BAZ1A: variants seen among roughly 807,000 people sequenced by gnomAD.
BAZ1A encodes the protein bromodomain adjacent to zinc finger domain protein 1A.
Under a neutral mutation model 185.2 loss-of-function variants are expected in BAZ1A, and 50 were observed. The ratio of observed to expected loss-of-function variants is 0.27; its 90% CI spans 0.22 to 0.34. BAZ1A has a LOEUF of 0.34. BAZ1A is among the 10% of genes least tolerant of loss of function. BAZ1A has a pLI of 1.00. For missense variants in BAZ1A, 1,356 were observed against 1,839.9 expected, an observed-to-expected ratio of 0.74 and a Z score of 4.81; for synonymous variants, 571 against 615.6, an observed-to-expected ratio of 0.93 and a Z score of 1.07.
chr14:34,843,971 C>T lies in BAZ1A; in HGVS notation c.393-17815G>A, dbSNP rs199519285. Among the ~76,000 whole-genome samples, 39 of 150,952 alleles carry T rather than the reference C, an allele frequency of 2.6e-4. No individual in the cohort carries two copies. In the East Asian group the frequency reaches 6.5e-3, roughly 25 times the overall value. On this transcript the variant is annotated intron_variant, in intron 3 of 26. Transcript: ENST00000360310. The stretch of plus-strand genomic sequence containing the variant: ...CTGTAATCCCAGCACTTTGGGAGGC[C>T]GAGGCGGGCGGATCACGAGGTCAGG...
chr14:34,868,116 A>C (rs1005277884), intron 2 of BAZ1A, among the ~76,000 whole-genome samples: 4 of 152,226 alleles, frequency 2.6e-5, no homozygotes, highest in African/African-American at 9.6e-5. Flanking sequence ...TCCTACTGGC[A>C]CAGAGACCAA....
chr14:34,844,773 A>ACG (rs1255387074), intron 3 of BAZ1A, among the ~76,000 whole-genome samples: 264 of 37,336 alleles, frequency 7.1e-3, no homozygotes, highest in Admixed American at 0.017. Flanking sequence ...ACACACACAC[A>ACG]CGCGCACACA....
In BAZ1A at chr14:34,807,536, C is replaced by T. The variant is rs1314816599; in HGVS notation, c.641G>A (p.Arg214Gln). The T allele has an allele frequency of 5.0e-6, 8 of 1,609,930 alleles. No homozygotes were observed. Among genetic ancestry groups the T allele is most frequent in the Non-Finnish European group, 6.8e-6 (8 of 1,177,324 alleles). ...SAIVKATQIS[R>Q]RKHLFSRDKL... ...ATCACGAGAAAATAGGTGTTTTCTC[C>T]GGCTACAGGAGGCAAGGAAGTCAAA... The change falls in exon 6 of 27, where the codon CGG (arginine) becomes CAG (glutamine). Residue 214 changes from arginine to glutamine, a missense_variant and splice_region_variant. By Grantham distance (43) the Arg-to-Gln change is conservative. Transcript: ENST00000360310.
chr14:34,765,824 C>T (rs1392790814), intron 21 of BAZ1A, among the ~76,000 whole-genome samples: 1 of 152,082 alleles, frequency 6.6e-6, no homozygotes, highest in African/African-American at 2.4e-5. Context: ...ATCTTCTGGG[C>T]TAAAAAATTT....
Position 34,776,182 on chromosome 14 carries a change from G to T in BAZ1A, c.2570C>A (p.Thr857Asn), listed in dbSNP as rs958159868. 1 of 1,614,070 alleles carries T rather than the reference G, an allele frequency of 6.2e-7. No homozygotes were observed. The highest frequency in any genetic ancestry group is 1.1e-5 in the South Asian group (1 of 91,086). Residue 857 changes from threonine (T) to asparagine (N), a missense_variant, in exon 18 of 27, where the codon ACT becomes AAT. By Grantham distance (65) the Thr-to-Asn change is moderately conservative. Transcript: ENST00000360310. ...NVQSQDPQVS[T>N]KTGEPLMSES... ...AGACATCAAAGGCTCTCCAGTTTTA[G>T]TGGATACCTGAGGATCTTGAGACTG...
chr14:34,773,989 C>CA (rs1350595455), intron 19 of BAZ1A, among the ~76,000 whole-genome samples: 1 of 152,054 alleles, frequency 6.6e-6, no homozygotes, highest in Non-Finnish European at 1.5e-5. Context: ...AAAAAAGTGA[C>CA]AGATGATGGC....
chr14:34,810,900 C>G, intron 5 of BAZ1A, 35 bp downstream of exon 5: 9 of 1,440,524 alleles, frequency 6.2e-6, no homozygotes, highest in African/African-American at 1.4e-5. Flanking sequence ...AATTATTCTA[C>G]TTTAAACTAC....
chr14:34,870,163 T>C (rs2042928308), intron 2 of BAZ1A, among the ~76,000 whole-genome samples: 1 of 152,228 alleles, frequency 6.6e-6, no homozygotes, highest in Non-Finnish European at 1.5e-5. Flanking sequence ...AACTGATCAA[T>C]GTATTGTCTG....
intron 3 of BAZ1A, among the ~76,000 whole-genome samples, chr14:34,832,501 T>A (rs780208177): frequency 6.8e-6 from 1 of 147,904 alleles, no homozygotes; most frequent in Non-Finnish European, 1.5e-5. Flanking sequence ...GGCAAAAGAC[T>A]TGAATAGACA....
At chr14:34,758,663 G>A in intron 25 of BAZ1A, 41 bp downstream of exon 25, 1 of 1,593,958 alleles carries the variant, frequency 6.3e-7, no homozygotes, top group Non-Finnish European at 8.6e-7. Flanking sequence ...GACTAAATCA[G>A]ATAATATACA....
rs534362955 is a variant in BAZ1A, at chr14:34,778,845, C to G, written c.2236+1341G>C. Among the ~76,000 whole-genome samples the G allele has an allele frequency of 5.9e-5, 9 of 152,088 alleles. No individual in the cohort carries two copies. The South Asian group carries it at 1.2e-3, about 21-fold the overall frequency. ...ACACACTTTTGGATTTGTTGTTGTT[C>G]TTTACTATATTTTTATTTTATTTTT... On this transcript the variant is annotated intron_variant, in intron 17 of 26. Transcript: ENST00000360310.
intron 2 of BAZ1A, among the ~76,000 whole-genome samples, chr14:34,869,685 G>C (rs1006341255): frequency 6.6e-6 from 1 of 152,144 alleles, no homozygotes; most frequent in Non-Finnish European, 1.5e-5. Context: ...TGTAGCAACT[G>C]CTTGTGGTAG....
chr14:34,860,365 G>A (rs920600765), intron 3 of BAZ1A, among the ~76,000 whole-genome samples: 1 of 151,636 alleles, frequency 6.6e-6, no homozygotes, highest in African/African-American at 2.4e-5. Flanking sequence ...AAAATGAGTT[G>A]GACATGGTGG....
intron 16 of BAZ1A, among the ~76,000 whole-genome samples, chr14:34,780,871 T>A (rs1879990501): frequency 6.6e-6 from 1 of 151,922 alleles, no homozygotes; most frequent in African/African-American, 2.4e-5. Context: ...AAAAATTACC[T>A]GGGAAAGAAA....
At chr14:34,850,870 T>C (rs1002118416) in intron 3 of BAZ1A, among the ~76,000 whole-genome samples, 1 of 152,172 alleles carries the variant, frequency 6.6e-6, no homozygotes, top group Non-Finnish European at 1.5e-5. Context: ...GATACATAGA[T>C]TCCTTCCAGA....
chr14:34,867,030 C>A lies in BAZ1A; in HGVS notation c.114-4708G>T, dbSNP rs143582169. On this transcript the variant is annotated intron_variant, in intron 2 of 26. Transcript: ENST00000360310. The stretch of plus-strand genomic sequence containing the variant: ...ATCCCAGCACTTTGGGAGGCCGAGG[C>A]AGGCAGATCGCGAGGTCAGGAGATC... Among the ~76,000 whole-genome samples the A allele has an allele frequency of 3.1e-3, 465 of 151,560 alleles. 4 individuals are homozygous for A. Among genetic ancestry groups the A allele is most frequent in the African/African-American group, 0.011 (436 of 41,330 alleles).
At position 34,781,285 on chromosome 14, in the gene BAZ1A, C is replaced by G. The variant is rs150557687; in HGVS notation, c.2112-975G>C. On this transcript the variant is annotated intron_variant, in intron 16 of 26. Coordinates refer to ENST00000360310, the MANE Select transcript of BAZ1A (RefSeq NM_013448.3). ...TGAGCTTACATACCATAACAATCACCATTTTAAAGTGTACAATTTAGTGGT... is the reference window on the plus strand; with the variant it reads ...TGAGCTTACATACCATAACAATCACGATTTTAAAGTGTACAATTTAGTGGT... Among the ~76,000 whole-genome samples the G allele has an allele frequency of 6.8e-3, 1,037 of 152,248 alleles. 13 individuals are homozygous for G. Among genetic ancestry groups the G allele is most frequent in the African/African-American group, 0.024 (996 of 41,550 alleles).
chr14:34,758,853 A>C lies in BAZ1A; in HGVS notation c.4244-7T>G, dbSNP rs1176447193. 6.2e-7 allele frequency: 1 copy of C among 1,612,026 alleles called. No homozygotes were observed. Among genetic ancestry groups the C allele is most frequent in the East Asian group, 2.2e-5 (1 of 44,852 alleles). On this transcript the variant is annotated splice_polypyrimidine_tract_variant and splice_region_variant and intron_variant, in intron 24 of 26. Coordinates refer to ENST00000360310, the MANE Select transcript of BAZ1A (RefSeq NM_013448.3). ...AGTGTCACAGGCGATGGCTCTGAGT[A>C]AATAATTACAACATTTTAGGTGATA...
chr14:34,768,714 CCT>C (rs910933607), intron 21 of BAZ1A: 9 of 426,024 alleles, frequency 2.1e-5, no homozygotes, highest in Admixed American at 8.3e-5. Flanking sequence ...GATAGATCTT[CCT>C]CTCTCTTTTT....
Sources: allele counts gnomAD v4.1 joint callset (sites outside exome capture counted in the v4.1 genomes callset), GRCh38; gene constraint gnomAD v4.1.1; transcripts MANE v1.5; gene names NCBI Gene and HGNC (gene_info 2026-07-23, HGNC 2026-07-21).